The following PSMD14 variants were observed in gnomAD, a reference collection of about 807,000 sequenced individuals.
The protein encoded by PSMD14 is ubiquitin C-terminal hydrolase PSMD14.
In PSMD14, 7 loss-of-function variants were observed where a neutral mutation model predicts 41.2. The ratio of observed to expected loss-of-function variants is 0.17; its 90% CI spans 0.10 to 0.32. PSMD14 has a LOEUF of 0.32. Among genes scored for constraint, PSMD14 ranks in the 10% least tolerant of loss-of-function variants. PSMD14 has a pLI of 1.00. For missense variants in PSMD14, 139 were observed against 375.6 expected (o/e 0.37, Z 5.21); for synonymous variants, 114 against 122.3 (o/e 0.93, Z 0.45).
intron 3 of PSMD14, among the ~76,000 whole-genome samples, chr2:161,347,411 T>TG (rs1683060620): frequency 6.6e-6 from 1 of 152,180 alleles, no homozygotes; most frequent in African/African-American, 2.4e-5. Flanking sequence ...CCTGAGTACC[T>TG]GGGACTACAG....
intron 10 of PSMD14, among the ~76,000 whole-genome samples, chr2:161,402,705 A>G (rs1683896648): frequency 6.6e-6 from 1 of 152,112 alleles, no homozygotes; most frequent in African/African-American, 2.4e-5. Flanking sequence ...CAGGAAAAAA[A>G]AAAAGAAACT....
intron 8 of PSMD14, among the ~76,000 whole-genome samples, chr2:161,387,741 T>A (rs531861400): frequency 1.3e-5 from 2 of 152,022 alleles, no homozygotes; most frequent in African/African-American, 4.8e-5. Context: ...ATTATGAGAT[T>A]TTTTTGTCTT....
chr2:161,349,669 AT>A (rs1683091498), intron 3 of PSMD14, among the ~76,000 whole-genome samples: 1 of 152,202 alleles, frequency 6.6e-6, no homozygotes, highest in Non-Finnish European at 1.5e-5. Context: ...GTTTGAATTA[AT>A]GGAGACTTAA....
At chr2:161,335,160 A>G (rs969314885) in intron 3 of PSMD14, among the ~76,000 whole-genome samples, 5 of 152,214 alleles carry the variant, frequency 3.3e-5, no homozygotes, top group African/African-American at 1.2e-4. Context: ...CCAGTATATG[A>G]CATGTTACTT....
chr2:161,364,251 G>A (rs1439639347), intron 3 of PSMD14, among the ~76,000 whole-genome samples: 2 of 152,130 alleles, frequency 1.3e-5, no homozygotes, highest in Non-Finnish European at 2.9e-5. Flanking sequence ...CTCTGCTGAT[G>A]TGCTCCTCTC....
In PSMD14 at chr2:161,383,969, CTT is replaced by C. The variant is rs548457280; in HGVS notation, c.463-1490_463-1489del. On this transcript the variant is annotated intron_variant, in intron 7 of 11. Transcript: ENST00000409682. ...TGTCTGATAGTACTTGTTTTTATTG[CTT>C]TTTTAAAAAAGAGAATATGTTTAGA... 296 of 151,168 alleles carry C rather than the reference CTT, an allele frequency of 2.0e-3. 1 individual carries two copies. The highest frequency in any genetic ancestry group is 6.8e-3 in the Middle Eastern group (2 of 294). The allele number at this position is 151,168 out of a possible 1,614,324, so 9.4% of individuals were successfully genotyped here.
At chr2:161,339,718 T>C (rs1447239412) in intron 3 of PSMD14, among the ~76,000 whole-genome samples, 1 of 152,250 alleles carries the variant, frequency 6.6e-6, no homozygotes, top group Non-Finnish European at 1.5e-5. Context: ...CTATTGCTGT[T>C]TGGGGACACG....
At chr2:161,327,969 TGTGTGTGTGTGTGTGA>T (rs1300150115) in intron 3 of PSMD14, among the ~76,000 whole-genome samples, 2 of 149,786 alleles carry the variant, frequency 1.3e-5, no homozygotes, top group Non-Finnish European at 3.0e-5. Flanking sequence ...TGTGTGTGTG[TGTGTGTGTGTGTGTGA>T]GATGTTGGTT....
At chr2:161,332,792 C>A (rs1166262093) in intron 3 of PSMD14, among the ~76,000 whole-genome samples, 1 of 152,174 alleles carries the variant, frequency 6.6e-6, no homozygotes, top group African/African-American at 2.4e-5. Context: ...GCTGCTCTGG[C>A]CTGTGCTGGG....
Position 161,318,756 on chromosome 2 carries a change from T to C in PSMD14, c.-4-66T>C, listed in dbSNP as rs1460637927. On this transcript the variant is annotated intron_variant, in intron 2 of 11. Coordinates refer to ENST00000409682, the MANE Select transcript of PSMD14 (RefSeq NM_005805.6). ...ATACTGAGTGACTGAAGGTGAATTA[T>C]ATAGATAGCAATTGAATAAACATTT... The C allele has an allele frequency of 1.4e-5, 18 of 1,258,512 alleles. No homozygotes were observed. The Admixed American group carries it at 2.8e-4, about 20-fold the overall frequency. The allele number at this position is 1,258,512 out of a possible 1,614,324, so 78.0% of individuals were successfully genotyped here.
At position 161,361,144 on chromosome 2, in the gene PSMD14, A is replaced by T. The variant is rs114886258; in HGVS notation, c.49-6334A>T. ...CATTTGTTACACTTTAATTTTTTAA[A>T]AAAACATGTAACTCTTTAATCCATC... On this transcript the variant is annotated intron_variant, in intron 3 of 11. Transcript: ENST00000409682. 4.7e-3 allele frequency among the ~76,000 whole-genome samples: 721 copies of T among 152,352 alleles called. 3 individuals carry two copies. Among genetic ancestry groups the T allele is most frequent in the Non-Finnish European group, 8.3e-3 (562 of 68,028 alleles).
intron 8 of PSMD14, among the ~76,000 whole-genome samples, chr2:161,389,915 A>T (rs1397603542): frequency 5.0e-4 from 2 of 4,002 alleles, no homozygotes; most frequent in East Asian, 0.033. Context: ...TTTTTTTTAG[A>T]GATGGGGTAT....
intron 3 of PSMD14, among the ~76,000 whole-genome samples, chr2:161,324,922 A>G (rs1189200161): frequency 6.6e-6 from 1 of 152,162 alleles, no homozygotes; most frequent in Non-Finnish European, 1.5e-5. Flanking sequence ...GAAAGCTTTA[A>G]GAATCAGTGT....
chr2:161,348,594 G>A (rs897157149), intron 3 of PSMD14, among the ~76,000 whole-genome samples: 4 of 152,188 alleles, frequency 2.6e-5, no homozygotes, highest in African/African-American at 9.7e-5. Flanking sequence ...AAAGCACATG[G>A]AGGAATAATT....
At chr2:161,403,043 A>G (rs1261813122) in intron 10 of PSMD14, among the ~76,000 whole-genome samples, 2 of 152,258 alleles carry the variant, frequency 1.3e-5, no homozygotes, top group South Asian at 2.1e-4. Flanking sequence ...GCTCATAAGT[A>G]TATACCCAAA....
At chr2:161,340,092 A>G (rs1191411726) in intron 3 of PSMD14, among the ~76,000 whole-genome samples, 2 of 152,204 alleles carry the variant, frequency 1.3e-5, no homozygotes, top group African/African-American at 4.8e-5. Flanking sequence ...TAAAGCAAAC[A>G]TTATTGCTTC....
intron 3 of PSMD14, among the ~76,000 whole-genome samples, chr2:161,365,612 T>A (rs1221822912): frequency 6.6e-6 from 1 of 152,200 alleles, no homozygotes; most frequent in Non-Finnish European, 1.5e-5. Flanking sequence ...TGTTTAAGAT[T>A]GCTCTGGATT....
intron 3 of PSMD14, among the ~76,000 whole-genome samples, chr2:161,330,193 TAAG>T (rs1682765562): frequency 2.0e-5 from 3 of 152,066 alleles, no homozygotes; most frequent in African/African-American, 7.2e-5. Flanking sequence ...TCTGATGAAA[TAAG>T]AAAAAATAAA....
intron 7 of PSMD14, chr2:161,384,745 G>C (rs1683612858): frequency 6.6e-6 from 1 of 151,710 alleles, no homozygotes; most frequent in African/African-American, 2.4e-5. Flanking sequence ...TTGTATCATA[G>C]GAGAATTTGA....
Sources: gnomAD v4.1 joint callset for allele counts (sites outside exome capture counted in the v4.1 genomes callset) on GRCh38, gnomAD v4.1.1 for gene constraint, MANE v1.5 for transcripts, NCBI Gene and HGNC (gene_info 2026-07-23, HGNC 2026-07-21) for gene names.